Variants in HERPUD2 observed in about 807,000 individuals in gnomAD.
HERPUD2 encodes HERPUD family member 2, also known as homocysteine-responsive endoplasmic reticulum-resident ubiquitin-like domain member 2 protein.
HERPUD2 carries 13 observed loss-of-function variants against 49.9 expected under a neutral mutation model. The ratio of observed to expected loss-of-function variants is 0.26; its 90% CI spans 0.17 to 0.41. HERPUD2 has a LOEUF of 0.41. Ranked by LOEUF, HERPUD2 falls within the 10% of genes least tolerant of loss-of-function variation. The pLI is 1.00. For missense variants in HERPUD2, 449 were observed against 492.2 expected (o/e 0.91, Z 0.83); for synonymous variants, 172 against 171.4 (o/e 1.00, Z -0.03).
At position 35,686,179 on chromosome 7, in the gene HERPUD2, CT is replaced by C. The variant is rs199963358; in HGVS notation, c.147+8004del. On this transcript the variant is annotated intron_variant, in intron 2 of 8. Coordinates refer to ENST00000311350, the MANE Select transcript of HERPUD2 (RefSeq NM_022373.5). ...TATCCAGCCCTGCTAATATCATTAC[CT>C]TTTTCTTTTTCTTTTCTTTTTTTTT... Among the ~76,000 whole-genome samples the C allele has an allele frequency of 8.1e-3, 1,217 of 151,152 alleles. 23 individuals are homozygous for C. The highest frequency in any genetic ancestry group is 0.028 in the African/African-American group (1,157 of 41,230).
intron 5 of HERPUD2, among the ~76,000 whole-genome samples, chr7:35,661,889 T>G (rs1183314626): frequency 4.6e-5 from 7 of 152,202 alleles, no homozygotes; most frequent in Non-Finnish European, 8.8e-5. Context: ...CTGATTGCCC[T>G]GGCCAGAACT....
chr7:35,634,695 G>A (rs1784841924), intron 7 of HERPUD2, among the ~76,000 whole-genome samples: 1 of 152,044 alleles, frequency 6.6e-6, no homozygotes, highest in Non-Finnish European at 1.5e-5. Flanking sequence ...ATCTTTTCTG[G>A]TACTTTTCAA....
chr7:35,683,930 T>C (rs555710663), intron 2 of HERPUD2, among the ~76,000 whole-genome samples: 1 of 152,244 alleles, frequency 6.6e-6, no homozygotes, highest in South Asian at 2.1e-4. Context: ...GTGGCAGCGG[T>C]GAACAGGGAA....
intron 5 of HERPUD2, among the ~76,000 whole-genome samples, chr7:35,657,935 A>G (rs1583551106): frequency 6.6e-6 from 1 of 151,454 alleles, no homozygotes; most frequent in Non-Finnish European, 1.5e-5. Context: ...AAAAAAAAAG[A>G]AAAAAACCAC....
intron 6 of HERPUD2, among the ~76,000 whole-genome samples, chr7:35,637,132 C>CA (rs1346264066): frequency 8.9e-5 from 7 of 79,006 alleles, no homozygotes; most frequent in African/African-American, 1.5e-4. Context: ...GACTCTGTCT[C>CA]AAAAAAAAAG....
intron 5 of HERPUD2, among the ~76,000 whole-genome samples, chr7:35,667,115 T>A (rs1419832448): frequency 1.3e-5 from 2 of 152,160 alleles, no homozygotes; most frequent in African/African-American, 4.8e-5. Flanking sequence ...AGCATTAGCA[T>A]CATCTGGGAG....
rs370616326 is a variant in HERPUD2 at position 35,656,134 on chromosome 7, A to G, written c.494+11300T>C. 3.1e-4 allele frequency among the ~76,000 whole-genome samples: 47 copies of G among 152,258 alleles called. 1 individual carries two copies. Among genetic ancestry groups the G allele is most frequent in the African/African-American group, 1.1e-3 (45 of 41,548 alleles). On this transcript the variant is annotated intron_variant, in intron 5 of 8. Transcript: ENST00000311350. ...CTGAGATTGTGCCACTGCACTCCAG[A>G]CTGGGCAACAAGAGTGAAACTTCAT...
chr7:35,674,437 A>AGG (rs1785715072), intron 2 of HERPUD2, among the ~76,000 whole-genome samples: 1 of 129,728 alleles, frequency 7.7e-6, no homozygotes, highest in African/African-American at 2.8e-5. Flanking sequence ...AGAGAGAGAG[A>AGG]GAGAGAGAGA....
chr7:35,663,440 C>T (rs985532119), intron 5 of HERPUD2, among the ~76,000 whole-genome samples: 1 of 152,094 alleles, frequency 6.6e-6, no homozygotes. Flanking sequence ...GAGCTGAGTT[C>T]AATTCCTGGA....
At chr7:35,639,725 C>T (rs1273127739) in intron 5 of HERPUD2, among the ~76,000 whole-genome samples, 1 of 152,126 alleles carries the variant, frequency 6.6e-6, no homozygotes, top group African/African-American at 2.4e-5. Flanking sequence ...AGACTGTTTA[C>T]ACATACAATT....
At chr7:35,670,528 G>C (rs533273579) in intron 3 of HERPUD2, among the ~76,000 whole-genome samples, 200 bp from the exon 4 acceptor site, 44 of 151,830 alleles carry the variant, frequency 2.9e-4, no homozygotes, top group Admixed American at 6.6e-4. Context: ...TCCATACTTG[G>C]AAAATGATCT....
Position 35,658,854 on chromosome 7 carries a change from T to C in HERPUD2, c.494+8580A>G, listed in dbSNP as rs143742332. Among the ~76,000 whole-genome samples the C allele has an allele frequency of 3.5e-4, 53 of 152,364 alleles. 1 individual carries two copies. In the East Asian group the frequency reaches 9.4e-3, roughly 27 times the overall value. On this transcript the variant is annotated intron_variant, in intron 5 of 8. Transcript: ENST00000311350. Reference sequence around the variant, plus strand: ...TAGGTAATGTATTGCTTTGTCCTTCTCATGTTTTCTCAGGAGCTAGGTAGG... The same window carrying C: ...TAGGTAATGTATTGCTTTGTCCTTCCCATGTTTTCTCAGGAGCTAGGTAGG...
intron 2 of HERPUD2, among the ~76,000 whole-genome samples, chr7:35,682,918 T>A (rs778378175): frequency 6.6e-6 from 1 of 150,952 alleles, no homozygotes; most frequent in Non-Finnish European, 1.5e-5. Context: ...AAAGAAATCA[T>A]AGACAACACA....
At chr7:35,650,491 C>G (rs769281048) in intron 5 of HERPUD2, among the ~76,000 whole-genome samples, 6 of 152,126 alleles carry the variant, frequency 3.9e-5, no homozygotes, top group Admixed American at 2.0e-4. Context: ...TCCTAAGTAG[C>G]TACAGCAAGG....
rs1392994088 is a variant in HERPUD2 at position 35,694,221 on chromosome 7, A to G, written c.110T>C (p.Leu37Pro). 6.2e-7 allele frequency: 1 copy of G among 1,614,066 alleles called. No homozygotes were observed. The highest frequency in any genetic ancestry group is 8.5e-7 in the Non-Finnish European group (1 of 1,180,004). ...GTAAACGTTAGATAGATGCGTTTTT[A>G]GTTTCCCCACGGTCCAGTTCAAGAA... ...SCFLNWTVGKLKTHLSNVYPS... is the reference protein window; with the variant it reads ...SCFLNWTVGKPKTHLSNVYPS... The change falls in exon 2 of 9, where the codon CTA becomes CCA. Residue 37 changes from leucine (L) to proline (P), a missense_variant. Physicochemically the swap from Leu to Pro is moderately conservative, Grantham distance 98 (BLOSUM62 -3). Transcript: ENST00000311350.
intron 5 of HERPUD2, among the ~76,000 whole-genome samples, chr7:35,653,392 C>T (rs1403461414): frequency 7.2e-5 from 11 of 152,170 alleles, no homozygotes; most frequent in East Asian, 3.9e-4. Flanking sequence ...TAAACATAAA[C>T]GAATCCAACA....
rs1784822389 is a variant in HERPUD2, at chr7:35,633,669, T to C, written c.*21A>G. On this transcript the variant is annotated 3_prime_UTR_variant, in exon 9 of 9. Transcript: ENST00000311350. ...CTTTCCTGAAGTCAGACCCTCCTTG[T>C]AGCTGGCACAGTTTTTCAGGTCAAT... is the stretch of plus-strand genomic sequence containing the variant. 1.2e-6 allele frequency: 2 copies of C among 1,606,616 alleles called. No individual in the cohort carries two copies. The highest frequency in any genetic ancestry group is 3.4e-5 in the Admixed American group (2 of 58,262).
intron 7 of HERPUD2, among the ~76,000 whole-genome samples, chr7:35,634,731 T>C (rs1418589813): frequency 6.6e-6 from 1 of 152,174 alleles, no homozygotes; most frequent in Admixed American, 6.5e-5. Flanking sequence ...AGATATTTGT[T>C]TGCCCCTTGG....
At chr7:35,640,172 G>A (rs1228149696) in intron 5 of HERPUD2, among the ~76,000 whole-genome samples, 1 of 152,216 alleles carries the variant, frequency 6.6e-6, no homozygotes, top group Admixed American at 6.5e-5. Context: ...ACACCAGGGA[G>A]CTGATGCATC....
Sources: gnomAD v4.1 joint callset for allele counts (sites outside exome capture counted in the v4.1 genomes callset) on GRCh38, gnomAD v4.1.1 for gene constraint, MANE v1.5 for transcripts, NCBI Gene and HGNC (gene_info 2026-07-23, HGNC 2026-07-21) for gene names.